Variants in TMEM245 observed in about 807,000 individuals in gnomAD.
TMEM245 encodes protein CG-2.
In TMEM245, 69 loss-of-function variants were observed where a neutral mutation model predicts 101.2. The ratio of observed to expected loss-of-function variants is 0.68; its 90% CI spans 0.56 to 0.83. The LOEUF is 0.83. Ranked by LOEUF, TMEM245 falls within the 40% of genes least tolerant of loss-of-function variation. TMEM245 has a pLI of 0.00. For synonymous variants in TMEM245, 537 were observed against 449.8 expected (o/e 1.19, Z -2.45); for missense variants, 1,075 against 1,092.8 (o/e 0.98, Z 0.23).
At chr9:109,054,063 G>A (rs1828764904) in intron 12 of TMEM245, among the ~76,000 whole-genome samples, 1 of 152,188 alleles carries the variant, frequency 6.6e-6, no homozygotes, top group Non-Finnish European at 1.5e-5. Context: ...GGGCATGGTG[G>A]CTCATGCCTG....
chr9:109,035,830 G>A (rs1388535095), intron 16 of TMEM245, among the ~76,000 whole-genome samples: 1 of 151,402 alleles, frequency 6.6e-6, no homozygotes, highest in Non-Finnish European at 1.5e-5. Context: ...AGTGCCTTGG[G>A]AAGTTCAAGG....
In TMEM245 at chr9:109,018,194, ATT is replaced by A. The variant is rs970964528; in HGVS notation, c.*2264_*2265del. 3.9e-5 allele frequency: 6 copies of A among 152,352 alleles called. No individual in the cohort carries two copies. The highest frequency in any genetic ancestry group is 7.3e-5 in the Non-Finnish European group (5 of 68,038). 9.4% of individuals were successfully genotyped at this position (152,352 alleles called of 1,614,324 possible). A position where few individuals can be genotyped will look rare whatever the true frequency, so the allele number is the denominator to read the frequency against. On this transcript the variant is annotated 3_prime_UTR_variant, in exon 18 of 18. Transcript: ENST00000374586. ...ATATGTATAGTAACTCATTGTATAT[ATT>A]TGTCTCTTATGAATATGTGCTAATT... is the stretch of plus-strand genomic sequence containing the variant.
intron 1 of TMEM245, among the ~76,000 whole-genome samples, chr9:109,115,630 A>G (rs981787204): frequency 1.4e-5 from 2 of 146,858 alleles, no homozygotes; most frequent in African/African-American, 5.1e-5. Context: ...TCCCGGTTTC[A>G]AGCAATTCTC....
At chr9:109,021,235 C>T (rs1262589607) in intron 17 of TMEM245, among the ~76,000 whole-genome samples, 1 of 152,186 alleles carries the variant, frequency 6.6e-6, no homozygotes, top group African/African-American at 2.4e-5. Context: ...GCTAAATTTA[C>T]ATCTGTGCTG....
chr9:109,063,196 T>C (rs1320229248), intron 10 of TMEM245, among the ~76,000 whole-genome samples: 1 of 151,852 alleles, frequency 6.6e-6, no homozygotes, highest in African/African-American at 2.4e-5. Context: ...CTCGGCTCAC[T>C]GCAACCTCTG....
At chr9:109,081,313 C>A (rs1472341791) in intron 7 of TMEM245, among the ~76,000 whole-genome samples, 1 of 152,100 alleles carries the variant, frequency 6.6e-6, no homozygotes, top group East Asian at 1.9e-4. Context: ...GCTGTATCAT[C>A]AGTTTAACAA....
At chr9:109,057,920 ACTTT>A (rs200750226) in intron 11 of TMEM245, among the ~76,000 whole-genome samples, 7,175 of 137,210 alleles carry the variant, frequency 0.052, 230 homozygotes, top group East Asian at 0.12. Flanking sequence ...AACAGCATTT[ACTTT>A]CTTTTTTTTT....
At chr9:109,096,084 G>A (rs1830132255) in intron 3 of TMEM245, among the ~76,000 whole-genome samples, 1 of 152,212 alleles carries the variant, frequency 6.6e-6, no homozygotes, top group Admixed American at 6.5e-5. Flanking sequence ...AGAGACGAAG[G>A]TATCCCGGTT....
chr9:109,035,751 T>G (rs922806826), intron 16 of TMEM245, among the ~76,000 whole-genome samples: 1 of 151,998 alleles, frequency 6.6e-6, no homozygotes, highest in Non-Finnish European at 1.5e-5. Context: ...GGACATCATA[T>G]ATATTATAAA....
At chr9:109,059,207 CT>C (rs1828935479) in intron 11 of TMEM245, among the ~76,000 whole-genome samples, 1 of 152,154 alleles carries the variant, frequency 6.6e-6, no homozygotes, top group African/African-American at 2.4e-5. Flanking sequence ...TAGATATTCC[CT>C]GAATATTTTT....
chr9:109,028,441 T>G (rs1827853138), intron 17 of TMEM245, among the ~76,000 whole-genome samples: 1 of 134,118 alleles, frequency 7.5e-6, no homozygotes, highest in African/African-American at 2.7e-5. Flanking sequence ...GTGACAAGAG[T>G]GACACTCCAT....
chr9:109,119,670 G>A lies in TMEM245; in HGVS notation c.244C>T (p.Arg82Trp), dbSNP rs866733329. 1.9e-6 allele frequency: 3 copies of A among 1,555,636 alleles called. No homozygotes were observed. Among genetic ancestry groups the A allele is most frequent in the Non-Finnish European group, 2.6e-6 (3 of 1,152,638 alleles). ...LVYFILEAFL[R>W]PLLWAVLCGT... Reference sequence around the variant, plus strand: ...CATAGCACGGCCCAGAGCAGCGGCCGCAGGAAGGCCTCCAGGATGAAGTAG... The same window carrying A: ...CATAGCACGGCCCAGAGCAGCGGCCACAGGAAGGCCTCCAGGATGAAGTAG... The change falls in exon 1 of 18, where the codon CGG (arginine) becomes TGG (tryptophan). Residue 82 changes from arginine to tryptophan, a missense_variant. Transcript: ENST00000374586.
intron 1 of TMEM245, among the ~76,000 whole-genome samples, chr9:109,110,322 A>T (rs370514195): frequency 2.6e-5 from 4 of 152,116 alleles, no homozygotes; most frequent in Non-Finnish European, 1.5e-5. Context: ...CCACAAAATA[A>T]TATTATTATG....
chr9:109,087,350 A>G lies in TMEM245; in HGVS notation c.1151-8T>C, dbSNP rs755160906. On this transcript the variant is annotated splice_region_variant and splice_polypyrimidine_tract_variant and intron_variant, in intron 5 of 17. Coordinates refer to ENST00000374586, the MANE Select transcript of TMEM245 (RefSeq NM_032012.4). Reference sequence around the variant, plus strand: ...GCTTTTTGAGTATCCAGACTAAAAAAAGACAAAAAATACATATATAAACAA... The same window carrying G: ...GCTTTTTGAGTATCCAGACTAAAAAGAGACAAAAAATACATATATAAACAA... 6.3e-7 allele frequency: 1 copy of G among 1,583,906 alleles called. No homozygotes were observed. The highest frequency in any genetic ancestry group is 1.2e-5 in the South Asian group (1 of 85,482).
At chr9:109,101,218 T>C (rs1830273463) in intron 3 of TMEM245, among the ~76,000 whole-genome samples, 3 of 152,172 alleles carry the variant, frequency 2.0e-5, no homozygotes, top group African/African-American at 4.8e-5. Flanking sequence ...ACTAATTCTG[T>C]GAGTCTAGTG....
intron 3 of TMEM245, among the ~76,000 whole-genome samples, chr9:109,100,415 C>A (rs1398687311): frequency 1.3e-5 from 2 of 152,168 alleles, no homozygotes; most frequent in African/African-American, 4.8e-5. Flanking sequence ...CCTTGACCTC[C>A]TGGGCTCAAA....
rs762498045 is a variant in TMEM245, at chr9:109,106,571, C to T, written c.736G>A (p.Val246Ile). Residue 246 changes from valine (V) to isoleucine (I), a missense_variant, in exon 3 of 18, where the codon GTT (valine) becomes ATT (isoleucine). Physicochemically the swap from Val to Ile is conservative, Grantham distance 29. Around this residue, in one of 2 missense-constraint regions of TMEM245, gnomAD observed 808 missense variants for 741.5 expected, o/e 1.09. Coordinates refer to ENST00000374586, the MANE Select transcript of TMEM245 (RefSeq NM_032012.4). ...CCCACAGACATCAGGAAAACAATAACCAGGAATACTGGAATTCTCCATGAG... is the reference window on the plus strand; with the variant it reads ...CCCACAGACATCAGGAAAACAATAATCAGGAATACTGGAATTCTCCATGAG... Reference protein sequence around the residue: ...AGSWRIPVFLVIVFLMSVGTL... With the variant: ...AGSWRIPVFLIIVFLMSVGTL... 6.2e-6 allele frequency: 10 copies of T among 1,612,858 alleles called. No individual in the cohort carries two copies. The East Asian group carries it at 2.0e-4, about 32-fold the overall frequency.
At chr9:109,114,524 G>A (rs1384945014) in intron 1 of TMEM245, among the ~76,000 whole-genome samples, 4 of 152,186 alleles carry the variant, frequency 2.6e-5, no homozygotes, top group Admixed American at 6.5e-5. Flanking sequence ...AGGTCACAAA[G>A]TTAGTTACTG....
rs1354011719 is a variant in TMEM245, at chr9:109,016,592, C to T, written c.*3868G>A. 6.7e-6 allele frequency: 1 copy of T among 150,042 alleles called. No individual in the cohort carries two copies. The highest frequency in any genetic ancestry group is 1.5e-5 in the Non-Finnish European group (1 of 67,702). The allele number at this position is 150,042 out of a possible 1,614,324, so 9.3% of individuals were successfully genotyped here. A position where few individuals can be genotyped will look rare whatever the true frequency, so the allele number is the denominator to read the frequency against. ...GAATTTCTGACTCTAGTAGACAGAA[C>T]AACTTGATTTATAATTCTCTTAAAC... is the stretch of plus-strand genomic sequence containing the variant. On this transcript the variant is annotated 3_prime_UTR_variant, in exon 18 of 18. Transcript: ENST00000374586.
Sources: allele counts gnomAD v4.1 joint callset (sites outside exome capture counted in the v4.1 genomes callset), GRCh38; gene constraint gnomAD v4.1.1; regional missense constraint gnomAD v4.1.1; transcripts MANE v1.5; gene names NCBI Gene and HGNC (gene_info 2026-07-23, HGNC 2026-07-21).